Variants in EIF2AK4 observed in about 807,000 individuals in gnomAD.
EIF2AK4 encodes eIF-2-alpha kinase GCN2.
Under a neutral mutation model 211.1 loss-of-function variants are expected in EIF2AK4, and 139 were observed. The ratio of observed to expected loss-of-function variants is 0.66; its 90% CI spans 0.57 to 0.76. The LOEUF is 0.76. EIF2AK4 is among the 30% of genes least tolerant of loss of function. The probability of loss-of-function intolerance (pLI) is 0.00; values close to 1 mark genes in which losing one functional copy is unlikely to be tolerated. For synonymous variants in EIF2AK4, 710 were observed against 751.3 expected (o/e 0.94, Z 0.90); for missense variants, 1,664 against 2,043.8 (o/e 0.81, Z 3.58).
intron 23 of EIF2AK4, 128 bp downstream of exon 23, chr15:40,003,442 G>C (rs961290825): frequency 1.4e-6 from 2 of 1,404,444 alleles, no homozygotes; most frequent in Non-Finnish European, 1.9e-6. Context: ...TATTCTTGAG[G>C]AAGTTGTCAG....
rs777058569 is a variant in EIF2AK4 at position 39,955,652 on chromosome 15, A to C, written c.627A>C (p.Gln209His). The change falls in exon 6 of 39, where the codon CAA becomes CAC. Residue 209 changes from glutamine (Q) to histidine (H), a missense_variant. Physicochemically the swap from Gln to His is conservative, Grantham distance 24 (BLOSUM62 0). Around this residue, in one of 7 missense-constraint regions of EIF2AK4, gnomAD observed 641 missense variants for 729.6 expected, o/e 0.88. Transcript: ENST00000263791. ...ERLEIASLSN[Q>H]DHTSKKDPGG... is the part of the protein sequence containing the mutation. ...TGGAAATTGCTAGTTTGTCAAACCA[A>C]GATCATACCTCTAAGAAGGACCCAG... 8.1e-5 allele frequency: 131 copies of C among 1,610,286 alleles called. No individual in the cohort carries two copies. Among genetic ancestry groups the C allele is most frequent in the Non-Finnish European group, 1.1e-4 (128 of 1,179,038 alleles).
chr15:39,977,800 T>G, intron 12 of EIF2AK4: 8 of 224,260 alleles, frequency 3.6e-5, no homozygotes, highest in Non-Finnish European at 5.2e-5. Context: ...ACTTTCATGA[T>G]TTTGTTTTAT....
rs2035584506 is a variant in EIF2AK4 at position 40,034,311 on chromosome 15, C to G, written c.4774-15C>G. 8 of 1,607,792 alleles carry G rather than the reference C, an allele frequency of 5.0e-6. No individual in the cohort carries two copies. The highest frequency in any genetic ancestry group is 6.8e-6 in the Non-Finnish European group (8 of 1,175,204). On this transcript the variant is annotated splice_polypyrimidine_tract_variant and intron_variant, in intron 37 of 38. Coordinates refer to ENST00000263791, the MANE Select transcript of EIF2AK4 (RefSeq NM_001013703.4). The stretch of plus-strand genomic sequence containing the variant: ...CTAGAGACCTGTTGTTAAGTCTTAT[C>G]TATTTTTTTCCTAGTGGGATGCTGA...
intron 32 of EIF2AK4, among the ~76,000 whole-genome samples, chr15:40,023,702 G>T (rs1243792973): frequency 6.6e-6 from 1 of 152,118 alleles, no homozygotes; most frequent in African/African-American, 2.4e-5. Flanking sequence ...GATCAGTTTT[G>T]TCTTTCCAAG....
At chr15:39,937,628 C>A (rs1309198632) in intron 1 of EIF2AK4, among the ~76,000 whole-genome samples, 1 of 151,700 alleles carries the variant, frequency 6.6e-6, no homozygotes, top group Non-Finnish European at 1.5e-5. Flanking sequence ...CCCTCTGTTC[C>A]AATGTTACTA....
At chr15:39,995,695 T>C (rs1216205408) in intron 18 of EIF2AK4, among the ~76,000 whole-genome samples, 1 of 152,144 alleles carries the variant, frequency 6.6e-6, no homozygotes, top group African/African-American at 2.4e-5. Flanking sequence ...TTTATTTTTA[T>C]TTATTTTTTA....
At chr15:40,017,551 A>ATATATATATATATATATATATATATATG (rs71132134) in intron 29 of EIF2AK4, among the ~76,000 whole-genome samples, 2 of 87,094 alleles carry the variant, frequency 2.3e-5, no homozygotes, top group Admixed American at 1.3e-4. Context: ...ATATATATAT[A>ATATATATATATATATATATATATATATG]TATGTATTTT....
rs1317433528 is a variant in EIF2AK4, at chr15:40,035,090, A to C, written c.*6A>C. On this transcript the variant is annotated 3_prime_UTR_variant, in exon 39 of 39. Transcript: ENST00000263791. ...ACTACAGAATCTTATTTTAACCCTA[A>C]AGAACTGTCGTTAACCTCATTCAAA... 49 of 1,568,304 alleles carry C rather than the reference A, an allele frequency of 3.1e-5. No homozygotes were observed. The East Asian group carries it at 1.1e-3, about 35-fold the overall frequency.
At position 40,017,551 on chromosome 15, in the gene EIF2AK4, A is replaced by ACG. The variant is rs1276859911; in HGVS notation, c.4065+309_4065+310insCG. On this transcript the variant is annotated intron_variant, in intron 29 of 38. Transcript: ENST00000263791. ...TATATATATATATATATATATATAT[A>ACG]TATGTATTTTGGAGACAGGGCCTTG... Among the ~76,000 whole-genome samples the ACG allele has an allele frequency of 9.2e-5, 8 of 87,092 alleles. 1 individual carries two copies. Among genetic ancestry groups the ACG allele is most frequent in the African/African-American group, 3.6e-4 (8 of 22,390 alleles). 57.1% of individuals were successfully genotyped at this position (87,092 alleles called of 152,430 possible).
chr15:40,007,139 A>ATTT, intron 24 of EIF2AK4, 74 bp downstream of exon 24: 8 of 1,312,908 alleles, frequency 6.1e-6, no homozygotes, highest in Non-Finnish European at 8.6e-6. Flanking sequence ...AGGAAAGAAT[A>ATTT]TTTTATTTCC....
At chr15:40,017,700 C>G (rs967419942) in intron 29 of EIF2AK4, among the ~76,000 whole-genome samples, 1 of 150,788 alleles carries the variant, frequency 6.6e-6, no homozygotes, top group South Asian at 2.1e-4. Context: ...CATGCACCAC[C>G]ACACCCAGCT....
Position 39,972,996 on chromosome 15 carries a change from G to A in EIF2AK4, c.1642G>A (p.Val548Met). 1.2e-6 allele frequency: 2 copies of A among 1,613,958 alleles called. No individual in the cohort carries two copies. The highest frequency in any genetic ancestry group is 8.5e-7 in the Non-Finnish European group (1 of 1,179,902). The change falls in exon 10 of 39, where the codon GTG becomes ATG. Residue 548 changes from valine (V) to methionine (M), a missense_variant. Coordinates refer to ENST00000263791, the MANE Select transcript of EIF2AK4 (RefSeq NM_001013703.4). ...FINPQPKMPL[V>M]EQSPEDSEGQ... ...AAATCCCCAGCCAAAAATGCCTCTA[G>A]TGGAACAAAGTCCTGAAGGTGAGTC... is the stretch of plus-strand genomic sequence containing the variant.
intron 1 of EIF2AK4, among the ~76,000 whole-genome samples, chr15:39,937,521 A>G (rs973538274): frequency 2.0e-5 from 3 of 152,150 alleles, no homozygotes; most frequent in African/African-American, 7.2e-5. Context: ...TCTCCTAATT[A>G]TATGCATTTA....
rs1042245218 is a variant in EIF2AK4, at chr15:40,030,344, C to T, written c.4562-15C>T. On this transcript the variant is annotated splice_polypyrimidine_tract_variant and intron_variant, in intron 34 of 38. Coordinates refer to ENST00000263791, the MANE Select transcript of EIF2AK4 (RefSeq NM_001013703.4). Reference sequence around the variant, plus strand: ...CCAGATAAGGCCATAAATTCTGAAACTCTCTTGGTCTCAGGTTTGTTTGAA... The same window carrying T: ...CCAGATAAGGCCATAAATTCTGAAATTCTCTTGGTCTCAGGTTTGTTTGAA... 3 of 1,611,628 alleles carry T rather than the reference C, an allele frequency of 1.9e-6. No individual in the cohort carries two copies. Among genetic ancestry groups the T allele is most frequent in the Non-Finnish European group, 8.5e-7 (1 of 1,178,696 alleles).
chr15:39,937,411 T>C (rs1475369444), intron 1 of EIF2AK4, among the ~76,000 whole-genome samples: 1 of 152,222 alleles, frequency 6.6e-6, no homozygotes, highest in Admixed American at 6.5e-5. Context: ...GCTCATACTC[T>C]GGTTTATTTT....
At chr15:40,018,947 CTATT>C in intron 29 of EIF2AK4, 142 bp from the exon 30 acceptor site, 2 of 654,716 alleles carry the variant, frequency 3.1e-6, no homozygotes, top group Non-Finnish European at 5.3e-6. Flanking sequence ...GCTTGCTTCT[CTATT>C]TTACTACACA....
intron 2 of EIF2AK4, among the ~76,000 whole-genome samples, chr15:39,940,826 C>T (rs2034135375): frequency 6.6e-6 from 1 of 152,062 alleles, no homozygotes; most frequent in South Asian, 2.1e-4. Context: ...AGATTGCCTC[C>T]ATTTCTGATG....
rs749518893 is a variant in EIF2AK4 at position 39,976,655 on chromosome 15, C to T, written c.2060C>T (p.Ala687Val). ...GACCGAGCTGCACGCGGGCAGCCGG[C>T]GAGCGACACAGACGGCCTGGACAGC... ...KDDRAARGQPASDTDGLDSVE... is the reference protein window; with the variant it reads ...KDDRAARGQPVSDTDGLDSVE... The change falls in exon 12 of 39, where the codon GCG (alanine) becomes GTG (valine). Residue 687 changes from alanine (A) to valine (V), a missense_variant. By Grantham distance (64) the Ala-to-Val change is moderately conservative. Around this residue, in one of 7 missense-constraint regions of EIF2AK4, gnomAD observed 206 missense variants for 201.9 expected, o/e 1.02. Coordinates refer to ENST00000263791, the MANE Select transcript of EIF2AK4 (RefSeq NM_001013703.4). The T allele has an allele frequency of 5.0e-6, 8 of 1,603,430 alleles. No homozygotes were observed. In the Admixed American group the frequency reaches 1.3e-4, roughly 27 times the overall value.
At chr15:39,987,380 A>T (rs7180126) in intron 14 of EIF2AK4, among the ~76,000 whole-genome samples, 1 of 151,932 alleles carries the variant, frequency 6.6e-6, no homozygotes, top group Non-Finnish European at 1.5e-5. Context: ...AGAAATCTCA[A>T]CTCTGGCACT....
Sources: gnomAD v4.1 joint callset for allele counts (sites outside exome capture counted in the v4.1 genomes callset) on GRCh38, gnomAD v4.1.1 for gene constraint, gnomAD v4.1.1 regional missense constraint, MANE v1.5 for transcripts, NCBI Gene and HGNC (gene_info 2026-07-23, HGNC 2026-07-21) for gene names.